Variants in PSD3 observed in about 807,000 individuals in gnomAD.
PSD3 encodes the protein PH and SEC7 domain-containing protein 3.
In PSD3, 49 loss-of-function variants were observed where a neutral mutation model predicts 105.5. The ratio of observed to expected loss-of-function variants is 0.46; its 90% confidence interval spans 0.37 to 0.59. PSD3 has a LOEUF of 0.59. Ranked by LOEUF, PSD3 falls within the 20% of genes least tolerant of loss-of-function variation. The pLI is 0.00. For missense variants in PSD3, 1,561 were observed against 1,263.8 expected, an observed-to-expected ratio of 1.24 and a Z score of -3.57; for synonymous variants, 557 against 457.8, an observed-to-expected ratio of 1.22 and a Z score of -2.77.
At chr8:18,653,698 A>G (rs1334432736) in intron 10 of PSD3, among the ~76,000 whole-genome samples, 1 of 152,152 alleles carries the variant, frequency 6.6e-6, no homozygotes, top group African/African-American at 2.4e-5. Flanking sequence ...GGTAACACGC[A>G]AGATATAGCT....
intron 9 of PSD3, among the ~76,000 whole-genome samples, chr8:18,751,165 T>G (rs997833860): frequency 7.2e-5 from 11 of 152,254 alleles, no homozygotes; most frequent in African/African-American, 2.4e-4. Context: ...CATGGCGGGC[T>G]GCAGGTCCCG....
chr8:18,805,608 A>G (rs1811130729), intron 4 of PSD3, among the ~76,000 whole-genome samples: 1 of 152,226 alleles, frequency 6.6e-6, no homozygotes, highest in Non-Finnish European at 1.5e-5. Flanking sequence ...GTACTCTTAT[A>G]TTAAAATCTA....
chr8:18,781,332 T>C lies in PSD3; in HGVS notation c.2083-15794A>G, dbSNP rs576081779. Among the ~76,000 whole-genome samples, 4 of 152,344 alleles carry C rather than the reference T, an allele frequency of 2.6e-5. 1 individual carries two copies. The Middle Eastern group carries it at 0.014, about 518-fold the overall frequency. On this transcript the variant is annotated intron_variant, in intron 8 of 15. Transcript: ENST00000327040. Reference sequence around the variant, plus strand: ...CTGATGCATGCATATCCTTTTTCTATGGCATATAAGCCCTAGGTCTTGGGA... The same window carrying C: ...CTGATGCATGCATATCCTTTTTCTACGGCATATAAGCCCTAGGTCTTGGGA...
chr8:18,658,810 T>TG (rs1554462935), intron 9 of PSD3, among the ~76,000 whole-genome samples: 1 of 151,692 alleles, frequency 6.6e-6, no homozygotes, highest in African/African-American at 2.4e-5. Context: ...AGTCAGATCA[T>TG]AAAAAGTATG....
intron 13 of PSD3, 139 bp from the exon 14 acceptor site, chr8:18,572,811 T>C: frequency 4.2e-6 from 4 of 943,126 alleles, no homozygotes; most frequent in South Asian, 3.4e-5. Flanking sequence ...CTGACAAAAC[T>C]TCATTAGAGA....
chr8:18,963,197 C>G (rs1348341420), intron 1 of PSD3, among the ~76,000 whole-genome samples: 3 of 152,260 alleles, frequency 2.0e-5, no homozygotes, highest in South Asian at 4.1e-4. Flanking sequence ...GAACCGCCCC[C>G]ATGATTCAAT....
intron 9 of PSD3, among the ~76,000 whole-genome samples, chr8:18,761,150 T>A (rs55709555): frequency 6.6e-6 from 1 of 152,136 alleles, no homozygotes; most frequent in Non-Finnish European, 1.5e-5. Context: ...GGAAGAAGGA[T>A]AGGCCCAGGA....
At chr8:18,849,847 C>T (rs1273063162) in intron 4 of PSD3, 1 of 152,170 alleles carries the variant, frequency 6.6e-6, no homozygotes, top group African/African-American at 2.4e-5. Flanking sequence ...GGTCTCCAAC[C>T]CTTGGTCCAA....
chr8:18,787,502 T>TA (rs1251003327), intron 8 of PSD3, among the ~76,000 whole-genome samples: 3 of 151,714 alleles, frequency 2.0e-5, no homozygotes, highest in South Asian at 2.1e-4. Flanking sequence ...GTGGAAAGTT[T>TA]AAAAAAAAAT....
intron 9 of PSD3, among the ~76,000 whole-genome samples, chr8:18,740,402 CAAAGAGA>C (rs1804474451): frequency 6.6e-6 from 1 of 152,196 alleles, no homozygotes; most frequent in Non-Finnish European, 1.5e-5. Context: ...TCCCTAGCTA[CAAAGAGA>C]AAACTGTGTT....
chr8:18,883,714 CT>C (rs1028946022), intron 2 of PSD3, among the ~76,000 whole-genome samples: 139 of 152,218 alleles, frequency 9.1e-4, no homozygotes, highest in African/African-American at 3.2e-3. Flanking sequence ...GGATGCGTTG[CT>C]TTTAAAATAG....
chr8:18,738,113 G>T (rs1195663023), intron 9 of PSD3, among the ~76,000 whole-genome samples: 2 of 152,204 alleles, frequency 1.3e-5, no homozygotes, highest in African/African-American at 4.8e-5. Flanking sequence ...CACAGGGAAA[G>T]AAGAGCAAGC....
At chr8:18,677,308 T>C (rs1800113488) in intron 9 of PSD3, among the ~76,000 whole-genome samples, 1 of 152,156 alleles carries the variant, frequency 6.6e-6, no homozygotes, top group Non-Finnish European at 1.5e-5. Context: ...GTCAGCGCAG[T>C]GGCTCATGCC....
At chr8:18,640,773 A>G (rs1807588506) in intron 10 of PSD3, among the ~76,000 whole-genome samples, 1 of 152,138 alleles carries the variant, frequency 6.6e-6, no homozygotes, top group Non-Finnish European at 1.5e-5. Context: ...TTTCCTCTCT[A>G]TTTAGGAAGC....
rs534858024 is a variant in PSD3, at chr8:18,765,308, C to T, written c.2172+141G>A. ...ACTTTGCAGCACGAAAAATCAAGGA[C>T]AAGGCTTAAAAGAAACATCACCAAT... is the stretch of plus-strand genomic sequence containing the variant. On this transcript the variant is annotated intron_variant, in intron 9 of 15. Transcript: ENST00000327040. 136 of 694,248 alleles carry T rather than the reference C, an allele frequency of 2.0e-4. 1 individual carries two copies. The East Asian group carries it at 3.5e-3, about 18-fold the overall frequency. The allele number at this position is 694,248 out of a possible 1,614,324, so 43.0% of individuals were successfully genotyped here.
intron 1 of PSD3, among the ~76,000 whole-genome samples, chr8:19,049,889 T>A (rs1235629478): frequency 6.6e-6 from 1 of 152,102 alleles, no homozygotes; most frequent in African/African-American, 2.4e-5. Flanking sequence ...CCACTTACAG[T>A]GTAACCTGTT....
intron 10 of PSD3, among the ~76,000 whole-genome samples, chr8:18,643,995 G>T (rs985294113): frequency 2.6e-5 from 4 of 152,234 alleles, no homozygotes; most frequent in Non-Finnish European, 4.4e-5. Flanking sequence ...GTGGGGAGCA[G>T]AGAACTGAGG....
At chr8:18,926,442 A>G (rs1033024229) in intron 2 of PSD3, among the ~76,000 whole-genome samples, 2 of 152,102 alleles carry the variant, frequency 1.3e-5, no homozygotes, top group Non-Finnish European at 2.9e-5. Flanking sequence ...AACCCAAAAA[A>G]TCCAAAATCT....
chr8:18,645,046 G>C (rs915025532), intron 10 of PSD3, among the ~76,000 whole-genome samples: 11 of 152,140 alleles, frequency 7.2e-5, no homozygotes, highest in African/African-American at 2.7e-4. Context: ...GATCACAGTT[G>C]CTTTTAAAAC....
Sources: gnomAD v4.1 joint callset for allele counts (sites outside exome capture counted in the v4.1 genomes callset) on GRCh38, gnomAD v4.1.1 for gene constraint, MANE v1.5 for transcripts, NCBI Gene and HGNC (gene_info 2026-07-23, HGNC 2026-07-21) for gene names.